SLC7A7: variants seen among roughly 807,000 people sequenced by gnomAD.
SLC7A7 encodes the protein solute carrier family 7 member 7.
Under a neutral mutation model 47.9 loss-of-function variants are expected in SLC7A7, and 39 were observed. That is an observed-to-expected ratio of 0.81 (90% confidence interval 0.63 to 1.06). The LOEUF is 1.06. Ranked by LOEUF, SLC7A7 falls within the 50% of genes least tolerant of loss-of-function variation. The pLI is 0.00. For synonymous variants in SLC7A7, 234 were observed against 242.8 expected (o/e 0.96, Z 0.34); for missense variants, 588 against 632.0 (o/e 0.93, Z 0.75).
At chr14:22,777,631 G>GT (rs1331130901) in intron 4 of SLC7A7, among the ~76,000 whole-genome samples, 1 of 152,148 alleles carries the variant, frequency 6.6e-6, no homozygotes, top group Non-Finnish European at 1.5e-5. Flanking sequence ...GTTTCTGTCC[G>GT]GTAGGTGGAA....
At chr14:22,790,725 C>A (rs1271253581) in intron 2 of SLC7A7, among the ~76,000 whole-genome samples, 1 of 152,120 alleles carries the variant, frequency 6.6e-6, no homozygotes, top group African/African-American at 2.4e-5. Context: ...ACGGGCCGGG[C>A]ACAGTGGCTC....
intron 2 of SLC7A7, among the ~76,000 whole-genome samples, chr14:22,784,495 G>C (rs1797442937): frequency 6.6e-6 from 1 of 152,068 alleles, no homozygotes; most frequent in African/African-American, 2.4e-5. Flanking sequence ...GTGTGTGCCT[G>C]TAGTCCCATC....
Position 22,779,930 on chromosome 14 carries a change from G to C in SLC7A7, c.621C>G (p.Gly207=). The C allele has an allele frequency of 9.9e-6, 16 of 1,613,992 alleles. No individual in the cohort carries two copies. The highest frequency in any genetic ancestry group is 1.2e-5 in the Non-Finnish European group (14 of 1,179,954). ...AVIVAGIVRL[G]QGASTHFENS... ...GCTACTAATATTATTTCTTACCCTG[G>C]CCAAGTCTAACAATGCCTGCAACGA... Residue 207 remains glycine, a synonymous_variant, in exon 3 of 10, where the codon GGC becomes GGG. Coordinates refer to ENST00000674313, the MANE Select transcript of SLC7A7 (RefSeq NM_003982.4).
chr14:22,816,707 C>T (rs2039412095), upstream of SLC7A7, among the ~76,000 whole-genome samples: 1 of 152,130 alleles, frequency 6.6e-6, no homozygotes, highest in Non-Finnish European at 1.5e-5. Context: ...TGAAATCCAA[C>T]TGTCTGTTTC....
intron 4 of SLC7A7, among the ~76,000 whole-genome samples, chr14:22,777,282 A>T (rs2038632228): frequency 6.6e-6 from 1 of 152,062 alleles, no homozygotes. Context: ...CATCTCTAAG[A>T]TTATCAACAT....
intron 2 of SLC7A7, among the ~76,000 whole-genome samples, chr14:22,799,051 G>T (rs912775962): frequency 2.0e-5 from 3 of 152,120 alleles, no homozygotes; most frequent in Non-Finnish European, 4.4e-5. Flanking sequence ...AATACATTTT[G>T]CTGGGTGAAT....
Position 22,775,516 on chromosome 14 carries a change from T to C in SLC7A7, c.1023A>G (p.Glu341=). 6.2e-7 allele frequency: 1 copy of C among 1,614,204 alleles called. No individual in the cohort carries two copies. The highest frequency in any genetic ancestry group is 8.5e-7 in the Non-Finnish European group (1 of 1,180,016). ...ASRLFFVGSR[E]GHLPDAICMI... ...TGCAGATGGCATCAGGGAGATGGCCTTCTCTTGAGCCCACAAAGAAAAGCC... is the reference window on the plus strand; with the variant it reads ...TGCAGATGGCATCAGGGAGATGGCCCTCTCTTGAGCCCACAAAGAAAAGCC... Residue 341 remains glutamate (E), a synonymous_variant, in exon 7 of 10, where the codon GAA becomes GAG. Transcript: ENST00000674313.
At chr14:22,777,499 C>G (rs2038636445) in intron 4 of SLC7A7, among the ~76,000 whole-genome samples, 1 of 152,074 alleles carries the variant, frequency 6.6e-6, no homozygotes, top group Non-Finnish European at 1.5e-5. Context: ...AAGAAAGATG[C>G]AAAGAGCTCT....
At chr14:22,818,765 T>C (rs1232896985), upstream of SLC7A7, among the ~76,000 whole-genome samples, 1 of 151,936 alleles carries the variant, frequency 6.6e-6, no homozygotes, top group East Asian at 1.9e-4. Context: ...AGCTAATTTT[T>C]GTATTTTTAG....
chr14:22,807,356 C>T (rs66622702), intron 2 of SLC7A7, among the ~76,000 whole-genome samples: 10,711 of 152,104 alleles, frequency 0.07, 448 homozygotes, highest in African/African-American at 0.1. Flanking sequence ...ATGTGGCCAC[C>T]AGAGTTCTCC....
rs779178668 is a variant in SLC7A7 at position 22,789,170 on chromosome 14, CTTAAG to C, written c.500-9124_500-9120del. 9.2e-5 allele frequency among the ~76,000 whole-genome samples: 14 copies of C among 152,336 alleles called. No individual in the cohort carries two copies. In the East Asian group the frequency reaches 1.2e-3, roughly 13 times the overall value. ...GCCTAGAATTTGGGCAAGAATCCAC[CTTAAG>C]TTATCACTTCAGAGTGCTGCTCATC... is the stretch of plus-strand genomic sequence containing the variant. On this transcript the variant is annotated intron_variant, in intron 2 of 9. Coordinates refer to ENST00000674313, the MANE Select transcript of SLC7A7 (RefSeq NM_003982.4).
rs755396584 is a variant in SLC7A7 at position 22,773,974 on chromosome 14, A to T, written c.1388T>A (p.Val463Glu). 9.9e-6 allele frequency: 16 copies of T among 1,614,058 alleles called. No individual in the cohort carries two copies. The highest frequency in any genetic ancestry group is 1.7e-4 in the Middle Eastern group (1 of 6,058). Residue 463 changes from valine (V) to glutamate (E), a missense_variant, in exon 9 of 10, where the codon GTG becomes GAG. Transcript: ENST00000674313. ...GTAAAGCGGTCGCTTATGTTCTGGC[A>T]CTCTGATGATGAGGAAGTAAAAGGG... is the stretch of plus-strand genomic sequence containing the variant. ...GLPFYFLIIR[V>E]PEHKRPLYLR...
At position 22,812,899 on chromosome 14, in the gene SLC7A7, C is replaced by G. The variant is rs386833817; in HGVS notation, c.499+1G>C. The G allele has an allele frequency of 3.7e-6, 6 of 1,612,862 alleles. No individual in the cohort carries two copies. The Middle Eastern group carries it at 5.0e-4, about 133-fold the overall frequency. On this transcript the variant is annotated splice_donor_variant, in intron 2 of 9. Coordinates refer to ENST00000674313, the MANE Select transcript of SLC7A7 (RefSeq NM_003982.4). LOFTEE classifies it high-confidence loss of function. ...CCACCTCCTACCCCAGCCCCACTTA[C>G]AAATGCAGGCAGCAGCCAGCAGGCG...
Position 22,780,777 on chromosome 14 carries a change from C to T in SLC7A7, c.500-726G>A, listed in dbSNP as rs114787182. Reference sequence around the variant, plus strand: ...TCTTAACTAGGGCCTCCATGAGGCTCGAAATTCTCTTTCAAAGTGTTATGT... The same window carrying T: ...TCTTAACTAGGGCCTCCATGAGGCTTGAAATTCTCTTTCAAAGTGTTATGT... On this transcript the variant is annotated intron_variant, in intron 2 of 9. Transcript: ENST00000674313. Among the ~76,000 whole-genome samples, 1,209 of 152,170 alleles carry T rather than the reference C, an allele frequency of 7.9e-3. 15 individuals carry two copies. Among genetic ancestry groups the T allele is most frequent in the African/African-American group, 0.028 (1,148 of 41,500 alleles).
At chr14:22,809,291 G>A (rs1380716610) in intron 2 of SLC7A7, among the ~76,000 whole-genome samples, 4 of 151,158 alleles carry the variant, frequency 2.6e-5, no homozygotes, top group Non-Finnish European at 4.4e-5. Context: ...CGTTCCTCCT[G>A]TGTCAGCCTC....
At position 22,774,479 on chromosome 14, in the gene SLC7A7, A is replaced by G; in HGVS notation, c.1120T>C (p.Cys374Arg). 6.2e-7 allele frequency: 1 copy of G among 1,614,164 alleles called. No individual in the cohort carries two copies. The highest frequency in any genetic ancestry group is 2.2e-5 in the East Asian group (1 of 44,882). The part of the protein sequence containing the change: ...FNGIMALIYL[C>R]VEDIFQLINY... ...ATGAGCTGGAAGATGTCTTCCACGC[A>G]CAAGTAGATCAATGCCATGATACCC... Residue 374 changes from cysteine to arginine, a missense_variant, in exon 8 of 10, where the codon TGC (cysteine) becomes CGC (arginine). Coordinates refer to ENST00000674313, the MANE Select transcript of SLC7A7 (RefSeq NM_003982.4).
chr14:22,808,915 A>G (rs1328580081), intron 2 of SLC7A7, among the ~76,000 whole-genome samples: 1 of 152,268 alleles, frequency 6.6e-6, no homozygotes, highest in African/African-American at 2.4e-5. Context: ...AACATAATTC[A>G]TAATTCATGG....
chr14:22,802,860 C>A (rs978838420), intron 2 of SLC7A7, among the ~76,000 whole-genome samples: 9 of 152,150 alleles, frequency 5.9e-5, no homozygotes, highest in African/African-American at 2.2e-4. Flanking sequence ...CCTTGCCCAT[C>A]TTGGTCCCCT....
At chr14:22,774,896 A>G (rs1465819508) in intron 7 of SLC7A7, among the ~76,000 whole-genome samples, 1 of 152,192 alleles carries the variant, frequency 6.6e-6, no homozygotes, top group East Asian at 1.9e-4. Context: ...TCAGCACTCA[A>G]AAAGTTTCAG....
Sources: allele counts gnomAD v4.1 joint callset (sites outside exome capture counted in the v4.1 genomes callset), GRCh38; gene constraint gnomAD v4.1.1; transcripts MANE v1.5; gene names NCBI Gene and HGNC (gene_info 2026-07-23, HGNC 2026-07-21).